The following CUX2 variants were observed in gnomAD, a reference collection of about 807,000 sequenced individuals.
CUX2 encodes the protein homeobox protein cut-like 2.
CUX2 carries 40 observed loss-of-function variants against 144.8 expected under a neutral mutation model. The observed-to-expected ratio is 0.28, with a 90% CI of 0.21 to 0.36. CUX2 has a LOEUF of 0.36. CUX2 is among the 10% of genes least tolerant of loss of function. The pLI is 1.00. For missense variants in CUX2, 1,615 were observed against 1,994.0 expected (o/e 0.81, Z 3.62); for synonymous variants, 827 against 875.6 (o/e 0.94, Z 0.98).
intron 1 of CUX2, among the ~76,000 whole-genome samples, chr12:111,090,412 C>T (rs965507990): frequency 2.0e-5 from 3 of 152,004 alleles, no homozygotes; most frequent in Admixed American, 6.5e-5. Flanking sequence ...TACAGGCAGG[C>T]GCCACCACAC....
intron 3 of CUX2, among the ~76,000 whole-genome samples, chr12:111,229,598 C>T (rs1306331810): frequency 6.6e-6 from 1 of 152,106 alleles, no homozygotes; most frequent in East Asian, 1.9e-4. Context: ...AATGTGATCA[C>T]CCAGTTGAAA....
chr12:111,149,094 C>T (rs545512704), intron 1 of CUX2, among the ~76,000 whole-genome samples: 1 of 152,238 alleles, frequency 6.6e-6, no homozygotes, highest in South Asian at 2.1e-4. Flanking sequence ...TCTCCAAAGT[C>T]ACACAGCCAG....
intron 1 of CUX2, among the ~76,000 whole-genome samples, chr12:111,133,457 T>A (rs1875638623): frequency 6.6e-6 from 1 of 151,640 alleles, no homozygotes; most frequent in African/African-American, 2.4e-5. Flanking sequence ...AGAAAAAAAA[T>A]GAAGAAGCAA....
intron 1 of CUX2, among the ~76,000 whole-genome samples, chr12:111,195,937 G>A (rs1403653758): frequency 6.6e-6 from 1 of 152,046 alleles, no homozygotes; most frequent in Admixed American, 6.6e-5. Flanking sequence ...TTATGGAGTT[G>A]TACAACCATC....
At chr12:111,052,456 G>A (rs966086438) in intron 1 of CUX2, among the ~76,000 whole-genome samples, 1 of 152,268 alleles carries the variant, frequency 6.6e-6, no homozygotes, top group South Asian at 2.1e-4. Flanking sequence ...AACAAACAGG[G>A]ATGGATGTGA....
In CUX2 at chr12:111,312,267, T is replaced by G. The variant is rs987506053; in HGVS notation, c.2002+66T>G. The G allele has an allele frequency of 1.2e-5, 17 of 1,388,708 alleles. No homozygotes were observed. Among genetic ancestry groups the G allele is most frequent in the Middle Eastern group, 1.8e-4 (1 of 5,572 alleles). The allele number at this position is 1,388,708 out of a possible 1,614,324, so 86.0% of individuals were successfully genotyped here. A position where few individuals can be genotyped will look rare whatever the true frequency, so the allele number is the denominator to read the frequency against. The stretch of plus-strand genomic sequence containing the variant: ...GCCAGCTGCGAACAGGAGATGAGGC[T>G]TCGTCTACCTTTGTCCACCCCAGAG... On this transcript the variant is annotated intron_variant, in intron 16 of 21. Coordinates refer to ENST00000261726, the MANE Select transcript of CUX2 (RefSeq NM_015267.4). The surrounding 1 kb of genome is among the most constrained non-coding windows in gnomAD (Gnocchi z 4.3).
At chr12:111,316,188 C>T (rs1483519590) in intron 16 of CUX2, among the ~76,000 whole-genome samples, 1 of 147,208 alleles carries the variant, frequency 6.8e-6, no homozygotes, top group Non-Finnish European at 1.5e-5. Context: ...GTTGCCCAGA[C>T]TGGAGTGCAG....
Position 111,271,045 on chromosome 12 carries a change from G to C in CUX2, c.301+7206G>C, listed in dbSNP as rs144173869. Among the ~76,000 whole-genome samples the C allele has an allele frequency of 2.0e-3, 304 of 152,324 alleles. 2 individuals are homozygous for C. The highest frequency in any genetic ancestry group is 7.0e-3 in the African/African-American group (289 of 41,560). On this transcript the variant is annotated intron_variant, in intron 4 of 21. Coordinates refer to ENST00000261726, the MANE Select transcript of CUX2 (RefSeq NM_015267.4). ...GTACATGAAAGCATTCCGCAGGGCT[G>C]AGTAATCAGCAGCCCATTGACATCA...
chr12:111,324,430 A>T (rs1310557867), intron 18 of CUX2, among the ~76,000 whole-genome samples: 1 of 151,046 alleles, frequency 6.6e-6, no homozygotes, highest in Non-Finnish European at 1.5e-5. Flanking sequence ...CTGGGCAGGG[A>T]GGGGGCCAGG....
chr12:111,218,062 T>C (rs1881646769), intron 3 of CUX2, 125 bp downstream of exon 3: 3 of 903,100 alleles, frequency 3.3e-6, no homozygotes, highest in Non-Finnish European at 5.4e-6. Flanking sequence ...CCTGTCCCCA[T>C]TGCAAACTCT....
At chr12:111,143,923 A>G (rs906303812) in intron 1 of CUX2, among the ~76,000 whole-genome samples, 2 of 152,148 alleles carry the variant, frequency 1.3e-5, no homozygotes, top group African/African-American at 4.8e-5. Context: ...TGCCTGCTTG[A>G]CATCACTAGC....
At chr12:111,170,444 A>AG (rs1425406750) in intron 1 of CUX2, among the ~76,000 whole-genome samples, 23 of 149,948 alleles carry the variant, frequency 1.5e-4, no homozygotes, top group East Asian at 1.9e-4. Context: ...AAAGAAAGAA[A>AG]AAAAAAAAAA....
Position 111,291,558 on chromosome 12 carries a change from G to A in CUX2, c.436+6G>A. The A allele has an allele frequency of 5.6e-6, 9 of 1,597,134 alleles. No homozygotes were observed. The highest frequency in any genetic ancestry group is 7.7e-6 in the Non-Finnish European group (9 of 1,172,684). On this transcript the variant is annotated splice_donor_region_variant and intron_variant, in intron 5 of 21. Transcript: ENST00000261726. Reference sequence around the variant, plus strand: ...CGAGCTCCTCAGCCCCAAAGGTACTGATAAGGCCTTCTCGGAGCGTCTACA... The same window carrying A: ...CGAGCTCCTCAGCCCCAAAGGTACTAATAAGGCCTTCTCGGAGCGTCTACA...
At chr12:111,109,149 G>A (rs1873786138) in intron 1 of CUX2, among the ~76,000 whole-genome samples, 1 of 152,158 alleles carries the variant, frequency 6.6e-6, no homozygotes, top group Non-Finnish European at 1.5e-5. Context: ...ATTCATTAGG[G>A]GTTGCTAAAT....
intron 1 of CUX2, among the ~76,000 whole-genome samples, chr12:111,116,927 C>A (rs955513704): frequency 6.6e-6 from 1 of 152,174 alleles, no homozygotes; most frequent in African/African-American, 2.4e-5. Flanking sequence ...TATTTTCATA[C>A]CACGGACTGT....
chr12:111,142,885 C>G (rs1876420691), intron 1 of CUX2, among the ~76,000 whole-genome samples: 1 of 152,040 alleles, frequency 6.6e-6, no homozygotes, highest in South Asian at 2.1e-4. Flanking sequence ...GGTCAAGAAG[C>G]GATGTGCCAA....
intron 3 of CUX2, among the ~76,000 whole-genome samples, chr12:111,258,760 A>T (rs1325451884): frequency 6.6e-6 from 1 of 152,158 alleles, no homozygotes; most frequent in Non-Finnish European, 1.5e-5. Context: ...ATCACAGCTC[A>T]CTGCAGCCTC....
chr12:111,346,119 A>T (rs1888793698), intron 21 of CUX2, among the ~76,000 whole-genome samples: 1 of 144,660 alleles, frequency 6.9e-6, no homozygotes, highest in Admixed American at 7.1e-5. Flanking sequence ...AAAAAAAAAA[A>T]GTTACACGAA....
intron 1 of CUX2, among the ~76,000 whole-genome samples, chr12:111,165,611 ATTGTCC>A (rs902596603): frequency 2.6e-5 from 4 of 152,176 alleles, no homozygotes; most frequent in Non-Finnish European, 5.9e-5. Context: ...TCTGGGCCTC[ATTGTCC>A]TTGTCTACAA....
Sources: allele counts gnomAD v4.1 joint callset (sites outside exome capture counted in the v4.1 genomes callset), GRCh38; gene constraint gnomAD v4.1.1; non-coding constraint Gnocchi (gnomAD v3.1); transcripts MANE v1.5; gene names NCBI Gene and HGNC (gene_info 2026-07-23, HGNC 2026-07-21).